Variants in DAP3 observed in about 807,000 individuals in gnomAD.
The protein encoded by DAP3 is death associated protein 3, also known as small ribosomal subunit protein mS29.
Under a neutral mutation model 51.9 loss-of-function variants are expected in DAP3, and 28 were observed. That is an observed-to-expected ratio of 0.54 (90% CI 0.40 to 0.74). The LOEUF (loss-of-function observed/expected upper bound fraction) is 0.74, where lower values mean the gene tolerates loss of function less well. Ranked by LOEUF, DAP3 falls within the 30% of genes least tolerant of loss-of-function variation. The pLI, the probability that DAP3 is intolerant of heterozygous loss-of-function variation, is 0.00. For missense variants in DAP3, 458 were observed against 483.5 expected (o/e 0.95, Z 0.49); for synonymous variants, 170 against 170.3 (o/e 1.00, Z 0.01).
chr1:155,702,831 G>A (rs1484852943), intron 1 of DAP3, among the ~76,000 whole-genome samples: 2 of 152,024 alleles, frequency 1.3e-5, no homozygotes, highest in Admixed American at 6.6e-5. Flanking sequence ...TTAGCCAGGC[G>A]TGGTGGTGGG....
upstream of DAP3, chr1:155,688,974 CA>C: frequency 6.2e-7 from 1 of 1,608,678 alleles, no homozygotes; most frequent in Non-Finnish European, 8.5e-7. Context: ...CCTCCTCCTC[CA>C]TGGGACCGCG....
rs146807769 is a variant in DAP3 at position 155,695,559 on chromosome 1, G to A, written c.-8+6385G>A. 1.2e-3 allele frequency among the ~76,000 whole-genome samples: 189 copies of A among 152,278 alleles called. 5 individuals carry two copies. In the East Asian group the frequency reaches 0.032, roughly 25 times the overall value. On this transcript the variant is annotated intron_variant, in intron 1 of 12. Coordinates refer to ENST00000368336, the MANE Select transcript of DAP3 (RefSeq NM_004632.4). ...GGTCCTGGAAGATTGGTATGTGCTC[G>A]GATATGAGTTATATAGAAAGGAAAA...
chr1:155,707,071 A>ACAAGAG (rs1656081518), intron 1 of DAP3, among the ~76,000 whole-genome samples: 1 of 144,038 alleles, frequency 6.9e-6, no homozygotes, highest in Admixed American at 7.0e-5. Flanking sequence ...AGCCTGGGCA[A>ACAAGAG]CAAGAGCGAA....
chr1:155,716,379 G>A (rs1000932437), intron 2 of DAP3, among the ~76,000 whole-genome samples: 3 of 151,108 alleles, frequency 2.0e-5, no homozygotes, highest in Non-Finnish European at 3.0e-5. Flanking sequence ...GGCTAACACA[G>A]TGAAACCCCT....
chr1:155,725,483 T>C lies in DAP3; in HGVS notation c.372T>C (p.Tyr124=). 6.2e-7 allele frequency: 1 copy of C among 1,613,794 alleles called. No homozygotes were observed. The change falls in exon 5 of 13, where the codon TAT becomes TAC. Residue 124 remains tyrosine (Y), a synonymous_variant. Transcript: ENST00000368336. ...NTSFAYPAIR[Y]LLYGEKGTGK... is the part of the protein sequence containing the mutation. ...GTTTTGCTTATCCAGCTATACGATA[T>C]CTTCTGTGTATCCTTTCCTGCCTGC...
At chr1:155,720,018 C>A (rs560669191) in intron 3 of DAP3, among the ~76,000 whole-genome samples, 15 of 152,040 alleles carry the variant, frequency 9.9e-5, no homozygotes, top group Non-Finnish European at 1.3e-4. Context: ...TGGGAGATAT[C>A]TTTTCCAGCT....
At chr1:155,688,966 T>G (rs756523686), upstream of DAP3, 1 of 1,609,378 alleles carries the variant, frequency 6.2e-7, no homozygotes, top group South Asian at 1.1e-5. Flanking sequence ...GCGGCTCGCC[T>G]CCTCCTCCAT....
upstream of DAP3, chr1:155,688,383 C>T (rs1471743115): frequency 1.3e-6 from 2 of 1,542,956 alleles, no homozygotes; most frequent in Non-Finnish European, 8.8e-7. Flanking sequence ...GAGCTAAGGG[C>T]GCCTAGCGAC....
chr1:155,723,866 C>T (rs1200076461), intron 4 of DAP3, among the ~76,000 whole-genome samples: 3 of 152,064 alleles, frequency 2.0e-5, no homozygotes, highest in South Asian at 4.1e-4. Flanking sequence ...TGGTGAAACT[C>T]CATCTCTACT....
chr1:155,702,415 G>A (rs1193674868), intron 1 of DAP3, among the ~76,000 whole-genome samples: 2 of 152,068 alleles, frequency 1.3e-5, no homozygotes, highest in Admixed American at 6.6e-5. Context: ...AGAGGTTGCC[G>A]TGAGCCAATG....
chr1:155,713,215 T>C (rs1465358779), intron 2 of DAP3, among the ~76,000 whole-genome samples: 2 of 152,168 alleles, frequency 1.3e-5, no homozygotes, highest in African/African-American at 4.8e-5. Context: ...ATGACACAAG[T>C]TATTTTCATT....
chr1:155,689,456 C>G, intron 1 of DAP3: 1 of 461,754 alleles, frequency 2.2e-6, no homozygotes, highest in South Asian at 1.5e-5. Flanking sequence ...ACTTCAGCCT[C>G]GTTAGACAGC....
intron 1 of DAP3, among the ~76,000 whole-genome samples, chr1:155,706,697 G>A (rs1032019240): frequency 1.3e-5 from 2 of 151,984 alleles, no homozygotes; most frequent in Non-Finnish European, 2.9e-5. Flanking sequence ...AGCCCGGGGA[G>A]GCAAGGTTCC....
Position 155,729,239 on chromosome 1 carries a change from C to T in DAP3, c.716C>T (p.Ala239Val), listed in dbSNP as rs147699097. The T allele has an allele frequency of 1.2e-6, 2 of 1,614,134 alleles. No individual in the cohort carries two copies. The highest frequency in any genetic ancestry group is 2.2e-5 in the East Asian group (1 of 44,874). The change falls in exon 9 of 13, where the codon GCA becomes GTA. Residue 239 changes from alanine (A) to valine (V), a missense_variant. Coordinates refer to ENST00000368336, the MANE Select transcript of DAP3 (RefSeq NM_004632.4). Reference protein sequence around the residue: ...GITRVRNATDAVGIVLKELKR... With the variant: ...GITRVRNATDVVGIVLKELKR... ...ACACGGGTGAGGAACGCCACAGATG[C>T]AGTTGGAATTGTGCTGAAAGAGCTA...
At position 155,731,357 on chromosome 1, in the gene DAP3, T is replaced by C. The variant is rs1571562477; in HGVS notation, c.845T>C (p.Ile282Thr). 1.9e-6 allele frequency: 3 copies of C among 1,613,972 alleles called. No homozygotes were observed. ...TTLKREDKSPIAPEELALVHN... is the reference protein window; with the variant it reads ...TTLKREDKSPTAPEELALVHN... ...TCTCTCTTTCTGTCCGATATGCAGA[T>C]TGCCCCCGAGGAATTAGCACTTGTT... Residue 282 changes from isoleucine (I) to threonine (T), a missense_variant and splice_region_variant, in exon 10 of 13, where the codon ATT becomes ACT. Physicochemically the swap from Ile to Thr is moderately conservative, Grantham distance 89 (BLOSUM62 -1). Coordinates refer to ENST00000368336, the MANE Select transcript of DAP3 (RefSeq NM_004632.4).
chr1:155,688,228 G>T, upstream of DAP3: 1 of 1,613,136 alleles, frequency 6.2e-7, no homozygotes. Context: ...AGAGGAGAAG[G>T]GAAAGGTGGA....
intron 10 of DAP3, chr1:155,731,676 C>A (rs1254670478): frequency 5.6e-6 from 3 of 537,008 alleles, no homozygotes; most frequent in Non-Finnish European, 6.4e-6. Flanking sequence ...ATTTTGCTTG[C>A]AGACATTTAA....
chr1:155,688,742 C>G (rs1653150419), upstream of DAP3: 4 of 1,517,950 alleles, frequency 2.6e-6, no homozygotes, highest in East Asian at 2.4e-5. Flanking sequence ...CCAACCGCCG[C>G]CAAAGCAGCC....
At position 155,737,030 on chromosome 1, in the gene DAP3, T is replaced by C; in HGVS notation, c.1078T>C (p.Tyr360His). ...GGAATTTGAAAGTTGTATTCAGTATTATTTGGAAAACAATTGGCTTCAACA... is the reference window on the plus strand; with the variant it reads ...GGAATTTGAAAGTTGTATTCAGTATCATTTGGAAAACAATTGGCTTCAACA... The part of the protein sequence containing the change: ...PKEFESCIQY[Y>H]LENNWLQHEK... The change falls in exon 12 of 13, where the codon TAT (tyrosine) becomes CAT (histidine). Residue 360 changes from tyrosine to histidine, a missense_variant. Physicochemically the swap from Tyr to His is moderately conservative, Grantham distance 83. Transcript: ENST00000368336. 1 of 1,614,072 alleles carries C rather than the reference T, an allele frequency of 6.2e-7. No individual in the cohort carries two copies. Among genetic ancestry groups the C allele is most frequent in the Non-Finnish European group, 8.5e-7 (1 of 1,179,944 alleles).
Sources: allele counts gnomAD v4.1 joint callset (sites outside exome capture counted in the v4.1 genomes callset), GRCh38; gene constraint gnomAD v4.1.1; transcripts MANE v1.5; gene names NCBI Gene and HGNC (gene_info 2026-07-23, HGNC 2026-07-21).